SYT9: variants seen among roughly 807,000 people sequenced by gnomAD.
SYT9 encodes synaptotagmin-9.
Under a neutral mutation model 48.4 loss-of-function variants are expected in SYT9, and 22 were observed. The ratio of observed to expected loss-of-function variants is 0.45; its 90% CI spans 0.32 to 0.65. The LOEUF is 0.65. Ranked by LOEUF, SYT9 falls within the 30% of genes least tolerant of loss-of-function variation. The pLI is 0.03. For missense variants in SYT9, 577 were observed against 622.0 expected, an observed-to-expected ratio of 0.93 and a Z score of 0.77; for synonymous variants, 265 against 245.0, an observed-to-expected ratio of 1.08 and a Z score of -0.76.
intron 3 of SYT9, among the ~76,000 whole-genome samples, chr11:7,384,031 A>G (rs895991826): frequency 3.3e-5 from 5 of 150,310 alleles, no homozygotes; most frequent in Non-Finnish European, 7.4e-5. Context: ...TTTATTATGG[A>G]AGATGAAGAT....
At chr11:7,267,060 T>C (rs547541005) in intron 1 of SYT9, among the ~76,000 whole-genome samples, 191 of 152,212 alleles carry the variant, frequency 1.3e-3, no homozygotes, top group Middle Eastern at 3.4e-3. Flanking sequence ...ATACAATATA[T>C]ATCATTAAGT....
At chr11:7,388,004 A>G (rs905454963) in intron 3 of SYT9, among the ~76,000 whole-genome samples, 1 of 152,130 alleles carries the variant, frequency 6.6e-6, no homozygotes, top group Non-Finnish European at 1.5e-5. Flanking sequence ...TACCCAAAAT[A>G]TTATGTCTAA....
chr11:7,339,043 A>G (rs1221777275), intron 3 of SYT9, among the ~76,000 whole-genome samples: 1 of 152,180 alleles, frequency 6.6e-6, no homozygotes. Context: ...GGATGCATAT[A>G]TATTTAGAAT....
At chr11:7,246,539 G>C (rs988923527) in intron 1 of SYT9, among the ~76,000 whole-genome samples, 1 of 152,126 alleles carries the variant, frequency 6.6e-6, no homozygotes, top group African/African-American at 2.4e-5. Context: ...TGTTCAGCTG[G>C]TTCCACCCTC....
At chr11:7,341,444 G>C (rs1361119242) in intron 3 of SYT9, among the ~76,000 whole-genome samples, 1 of 152,086 alleles carries the variant, frequency 6.6e-6, no homozygotes, top group African/African-American at 2.4e-5. Flanking sequence ...TAGTGAATAA[G>C]TCTCATGAGA....
At chr11:7,340,479 C>G (rs1279135848) in intron 3 of SYT9, among the ~76,000 whole-genome samples, 6 of 152,060 alleles carry the variant, frequency 3.9e-5, no homozygotes, top group Non-Finnish European at 8.8e-5. Flanking sequence ...TCTTTCTCAT[C>G]TCTGCATGTG....
rs1329244409 is a variant in SYT9 at position 7,467,508 on chromosome 11, C to CAACA, written c.*709_*712dup. On this transcript the variant is annotated 3_prime_UTR_variant, in exon 7 of 7. Transcript: ENST00000318881. ...CAGATTTTGAGGAATCAGAGACCCC[C>CAACA]AACACTACTCACTCAGTAGCTAGCA... is the stretch of plus-strand genomic sequence containing the variant. 6.6e-6 allele frequency: 1 copy of CAACA among 152,268 alleles called. No homozygotes were observed. Among genetic ancestry groups the CAACA allele is most frequent in the Non-Finnish European group, 1.5e-5 (1 of 68,092 alleles). 9.4% of individuals were successfully genotyped at this position (152,268 alleles called of 1,614,324 possible).
intron 1 of SYT9, among the ~76,000 whole-genome samples, chr11:7,282,858 A>G (rs1480135592): frequency 1.3e-5 from 2 of 151,838 alleles, no homozygotes; most frequent in African/African-American, 2.4e-5. Context: ...ACTTCTCTAC[A>G]TTTTATAATT....
intron 2 of SYT9, among the ~76,000 whole-genome samples, chr11:7,312,729 A>C (rs1428277188): frequency 6.6e-6 from 1 of 152,196 alleles, no homozygotes; most frequent in South Asian, 2.1e-4. Flanking sequence ...TTATTTCAGA[A>C]ATAAAACCTG....
At chr11:7,425,532 G>C (rs1414655073) in intron 6 of SYT9, among the ~76,000 whole-genome samples, 1 of 152,098 alleles carries the variant, frequency 6.6e-6, no homozygotes, top group Non-Finnish European at 1.5e-5. Flanking sequence ...TAGCAGGGAA[G>C]AACACTGAGA....
chr11:7,432,588 T>A (rs1847624208), intron 6 of SYT9, among the ~76,000 whole-genome samples: 80 of 3,002 alleles, frequency 0.027, 13 homozygotes, highest in African/African-American at 0.031. Flanking sequence ...AAAAAATATA[T>A]ATACATATAT....
chr11:7,313,761 G>A lies in SYT9; in HGVS notation c.864G>A (p.Val288=), dbSNP rs755721804. 1.9e-6 allele frequency: 3 copies of A among 1,614,190 alleles called. No individual in the cohort carries two copies. The highest frequency in any genetic ancestry group is 1.7e-6 in the Non-Finnish European group (2 of 1,180,030). ...RKTLNPVFDE[V]FLFPVPYNDL... is the part of the protein sequence containing the mutation. ...CCCTGAACCCTGTGTTTGATGAAGT[G>A]TTTTTATTTCCGGTTCCCTACAATG... The change falls in exon 3 of 7, where the codon GTG becomes GTA. Residue 288 remains valine (V), a synonymous_variant. Coordinates refer to ENST00000318881, the MANE Select transcript of SYT9 (RefSeq NM_175733.4).
intron 3 of SYT9, among the ~76,000 whole-genome samples, chr11:7,324,679 A>G (rs1487854): frequency 0.64 from 97,366 of 151,662 alleles, 31,694 homozygotes; most frequent in East Asian, 0.92. Flanking sequence ...GTGTTTTTAA[A>G]ATTTCATATT....
chr11:7,243,138 AAT>A (rs572283436), intron 1 of SYT9, among the ~76,000 whole-genome samples: 32 of 152,160 alleles, frequency 2.1e-4, no homozygotes, highest in Non-Finnish European at 1.9e-4. Flanking sequence ...GAGAACATAA[AAT>A]ATATATAGAG....
chr11:7,453,768 G>A (rs1263252877), intron 6 of SYT9, among the ~76,000 whole-genome samples: 1 of 152,232 alleles, frequency 6.6e-6, no homozygotes, highest in East Asian at 1.9e-4. Context: ...CATCTCTGGA[G>A]CAAGGACCAG....
intron 3 of SYT9, among the ~76,000 whole-genome samples, chr11:7,413,061 G>C (rs554265873): frequency 2.0e-5 from 3 of 152,206 alleles, no homozygotes; most frequent in African/African-American, 4.8e-5. Flanking sequence ...GAACAAGGTG[G>C]TCCCCAGGCA....
intron 2 of SYT9, among the ~76,000 whole-genome samples, chr11:7,311,521 G>A (rs373900712): frequency 6.6e-6 from 1 of 152,206 alleles, no homozygotes; most frequent in Non-Finnish European, 1.5e-5. Context: ...GGACTGGATT[G>A]TGTAGACACA....
intron 3 of SYT9, among the ~76,000 whole-genome samples, chr11:7,415,470 A>G (rs17289871): frequency 0.17 from 25,971 of 151,738 alleles, 2,822 homozygotes; most frequent in Middle Eastern, 0.26. Flanking sequence ...CACAGGGAGG[A>G]TATGGTCGCA....
chr11:7,447,386 T>C (rs1356727892), intron 6 of SYT9, among the ~76,000 whole-genome samples: 1 of 152,182 alleles, frequency 6.6e-6, no homozygotes, highest in Non-Finnish European at 1.5e-5. Context: ...CTTTTGAACA[T>C]TTTATGCCCC....
Sources: gnomAD v4.1 joint callset for allele counts (sites outside exome capture counted in the v4.1 genomes callset) on GRCh38, gnomAD v4.1.1 for gene constraint, MANE v1.5 for transcripts, NCBI Gene and HGNC (gene_info 2026-07-23, HGNC 2026-07-21) for gene names.